SCIN: variants seen among roughly 807,000 people sequenced by gnomAD.
SCIN encodes adseverin.
In SCIN, 91 loss-of-function variants were observed where a neutral mutation model predicts 91.8. The ratio of observed to expected loss-of-function variants is 0.99; its 90% confidence interval spans 0.84 to 1.18. The LOEUF (loss-of-function observed/expected upper bound fraction) is 1.18. SCIN is among the 50% of genes most tolerant of loss of function. The pLI is 0.00. For missense variants in SCIN, 1,087 were observed against 863.9 expected (o/e 1.26, Z -3.24); for synonymous variants, 367 against 312.6 (o/e 1.17, Z -1.84).
intron 4 of SCIN, among the ~76,000 whole-genome samples, chr7:12,612,718 G>A (rs746418031): frequency 6.6e-6 from 1 of 152,246 alleles, no homozygotes; most frequent in Non-Finnish European, 1.5e-5. Flanking sequence ...TGGATTTCTA[G>A]TATTGAATTT....
rs1318211744 is a variant in SCIN, at chr7:12,656,237, C to G, written c.*3522C>G. On this transcript the variant is annotated 3_prime_UTR_variant, in exon 16 of 16. Transcript: ENST00000297029. The stretch of plus-strand genomic sequence containing the variant: ...TCCACTTAACTCATTATTCAGTCAT[C>G]AAGCAATTCTTGTCCCAATCATTCT... 1.3e-5 allele frequency: 2 copies of G among 152,168 alleles called. No individual in the cohort carries two copies. Among genetic ancestry groups the G allele is most frequent in the African/African-American group, 4.8e-5 (2 of 41,434 alleles). 9.4% of individuals were successfully genotyped at this position (152,168 alleles called of 1,614,324 possible).
intron 14 of SCIN, among the ~76,000 whole-genome samples, chr7:12,650,599 T>G (rs1784060275): frequency 6.6e-6 from 1 of 152,190 alleles, no homozygotes; most frequent in Admixed American, 6.5e-5. Flanking sequence ...AATCTAAATG[T>G]AAGTGACCGA....
At chr7:12,644,814 G>A (rs1562634823) in intron 13 of SCIN, 109 bp downstream of exon 13, 18 of 1,032,598 alleles carry the variant, frequency 1.7e-5, no homozygotes, top group East Asian at 8.9e-5. Context: ...TCAGGAGTTC[G>A]AGACCAGCCT....
chr7:12,628,403 G>A (rs949319064), intron 8 of SCIN, among the ~76,000 whole-genome samples: 5 of 152,106 alleles, frequency 3.3e-5, no homozygotes, highest in African/African-American at 9.7e-5. Flanking sequence ...GTTTTGATGG[G>A]CTCAGTGTTT....
In SCIN at chr7:12,657,650, A is replaced by G. The variant is rs1421625671; in HGVS notation, c.*4935A>G. The G allele has an allele frequency of 2.9e-5, 4 of 138,634 alleles. No individual in the cohort carries two copies. Among genetic ancestry groups the G allele is most frequent in the Non-Finnish European group, 4.6e-5 (3 of 65,664 alleles). 8.6% of individuals were successfully genotyped at this position (138,634 alleles called of 1,614,324 possible). Reference sequence around the variant, plus strand: ...TTTAGCAATTTCCTTGTATAATGCAATCAGTGGAAGACAAATCAGAGGTAT... The same window carrying G: ...TTTAGCAATTTCCTTGTATAATGCAGTCAGTGGAAGACAAATCAGAGGTAT... On this transcript the variant is annotated 3_prime_UTR_variant, in exon 16 of 16. Coordinates refer to ENST00000297029, the MANE Select transcript of SCIN (RefSeq NM_001112706.3).
chr7:12,641,749 C>T (rs546109373), intron 11 of SCIN, among the ~76,000 whole-genome samples: 5 of 152,134 alleles, frequency 3.3e-5, no homozygotes, highest in African/African-American at 1.2e-4. Context: ...TGGCAATTCT[C>T]CAGGCCTATA....
chr7:12,594,860 CT>C (rs376104622), intron 3 of SCIN, among the ~76,000 whole-genome samples: 25 of 152,230 alleles, frequency 1.6e-4, no homozygotes, highest in African/African-American at 6.0e-4. Flanking sequence ...AGCGCTGGGT[CT>C]TTTGGGAGTG....
chr7:12,626,612 C>A lies in SCIN; in HGVS notation c.1010C>A (p.Thr337Lys). 2.6e-6 allele frequency: 4 copies of A among 1,550,966 alleles called. No homozygotes were observed. Among genetic ancestry groups the A allele is most frequent in the Non-Finnish European group, 3.5e-6 (4 of 1,146,558 alleles). ...QIQVLPEGGE[T>K]PIFKQFFKDW... ...CAAGTTCTTCCAGAAGGAGGTGAAA[C>A]ACCAATCTTCAAACAGTTTTTTAAG... is the stretch of plus-strand genomic sequence containing the variant. The change falls in exon 8 of 16, where the codon ACA becomes AAA. Residue 337 changes from threonine to lysine, a missense_variant. Physicochemically the swap from Thr to Lys is moderately conservative, Grantham distance 78. Transcript: ENST00000297029.
rs946816476 is a variant in SCIN, at chr7:12,651,289, ACT to A, written c.1960-548_1960-547del. On this transcript the variant is annotated intron_variant, in intron 14 of 15. Transcript: ENST00000297029. The surrounding 1 kb of genome is among the most constrained non-coding windows in gnomAD (Gnocchi z 5.9). ...TCTTTCAGACCTTTAAGAGTGTGAT[ACT>A]CTCAGTTAATCTTCCCTAGATCCCG... Among the ~76,000 whole-genome samples the A allele has an allele frequency of 3.3e-5, 5 of 152,010 alleles. No individual in the cohort carries two copies. Among genetic ancestry groups the A allele is most frequent in the African/African-American group, 1.2e-4 (5 of 41,338 alleles).
intron 3 of SCIN, among the ~76,000 whole-genome samples, chr7:12,598,243 A>T (rs1024447409): frequency 6.6e-6 from 1 of 152,170 alleles, no homozygotes; most frequent in African/African-American, 2.4e-5. Flanking sequence ...TTATGAAGGA[A>T]TTTATTTTTT....
Position 12,644,667 on chromosome 7 carries a change from C to T in SCIN, c.1843C>T (p.Arg615Trp), listed in dbSNP as rs1209944562. ...LETQAEDHPP[R>W]LYGCSNKTGR... is the part of the protein sequence containing the mutation. Reference sequence around the variant, plus strand: ...AACCCAGGCTGAAGACCATCCACCTCGGCTTTACGGCTGCTCTAACAAAAC... The same window carrying T: ...AACCCAGGCTGAAGACCATCCACCTTGGCTTTACGGCTGCTCTAACAAAAC... Residue 615 changes from arginine (R) to tryptophan (W), a missense_variant, in exon 13 of 16, where the codon CGG becomes TGG. Arg to Trp is a moderately radical substitution (Grantham distance 101). Coordinates refer to ENST00000297029, the MANE Select transcript of SCIN (RefSeq NM_001112706.3). 5.7e-6 allele frequency: 9 copies of T among 1,586,532 alleles called. No homozygotes were observed. The highest frequency in any genetic ancestry group is 1.7e-4 in the Middle Eastern group (1 of 6,052).
intron 10 of SCIN, among the ~76,000 whole-genome samples, chr7:12,637,513 A>C (rs1369393245): frequency 6.6e-6 from 1 of 151,832 alleles, no homozygotes; most frequent in Non-Finnish European, 1.5e-5. Context: ...AAGGGATAGG[A>C]GGAGAGGAGA....
In SCIN at chr7:12,644,685, AACAAAAC is replaced by A. The variant is rs1562634642; in HGVS notation, c.1862_1868del (p.Asn621MetfsTer18). ...TCCACCTCGGCTTTACGGCTGCTCT[AACAAAAC>A]TGGAAGATTTGTTGTAAGTGTCCTT... On this transcript the variant is annotated frameshift_variant, in exon 13 of 16. Transcript: ENST00000297029. LOFTEE classifies it high-confidence loss of function. 8 of 1,571,958 alleles carry A rather than the reference AACAAAAC, an allele frequency of 5.1e-6. No homozygotes were observed. The highest frequency in any genetic ancestry group is 3.8e-5 in the Admixed American group (2 of 53,170).
chr7:12,619,564 A>C lies in SCIN; in HGVS notation c.667-3237A>C, dbSNP rs530109690. Among the ~76,000 whole-genome samples, 19 of 152,220 alleles carry C rather than the reference A, an allele frequency of 1.2e-4. No homozygotes were observed. In the South Asian group the frequency reaches 3.9e-3, roughly 32 times the overall value. Reference sequence around the variant, plus strand: ...ATCATAGTAGGGAAAGAAATAAACAAACACCAAGGGTGGTCTTGAGACAGG... The same window carrying C: ...ATCATAGTAGGGAAAGAAATAAACACACACCAAGGGTGGTCTTGAGACAGG... On this transcript the variant is annotated intron_variant, in intron 4 of 15. Transcript: ENST00000297029.
rs1288451926 is a variant in SCIN, at chr7:12,577,998, A to G, written c.200-66A>G. The G allele has an allele frequency of 1.5e-5, 21 of 1,376,378 alleles. No homozygotes were observed. The East Asian group carries it at 5.6e-4, about 37-fold the overall frequency. 85.3% of individuals were successfully genotyped at this position (1,376,378 alleles called of 1,614,324 possible). On this transcript the variant is annotated intron_variant, in intron 1 of 15. Transcript: ENST00000297029. ...AATGAAAATTTCTGACTTCTTTCATATCAGAAATTCTGCCTTAATCCTTTC... is the reference window on the plus strand; with the variant it reads ...AATGAAAATTTCTGACTTCTTTCATGTCAGAAATTCTGCCTTAATCCTTTC...
At position 12,652,660 on chromosome 7, in the gene SCIN, A is replaced by G; in HGVS notation, c.2093A>G (p.His698Arg). ...RTPIVIIKQG[H>R]EPPTFTGWFL... Reference sequence around the variant, plus strand: ...CCAATTGTCATCATAAAACAGGGCCATGAGCCACCCACATTCACAGGCTGG... The same window carrying G: ...CCAATTGTCATCATAAAACAGGGCCGTGAGCCACCCACATTCACAGGCTGG... Residue 698 changes from histidine to arginine, a missense_variant, in exon 16 of 16, where the codon CAT becomes CGT. Physicochemically the swap from His to Arg is conservative, Grantham distance 29. Coordinates refer to ENST00000297029, the MANE Select transcript of SCIN (RefSeq NM_001112706.3). The G allele has an allele frequency of 6.2e-7, 1 of 1,610,850 alleles. No homozygotes were observed. The highest frequency in any genetic ancestry group is 8.5e-7 in the Non-Finnish European group (1 of 1,178,958).
At chr7:12,650,972 A>C (rs1784067658) in intron 14 of SCIN, among the ~76,000 whole-genome samples, 1 of 152,206 alleles carries the variant, frequency 6.6e-6, no homozygotes, top group African/African-American at 2.4e-5. Flanking sequence ...GTAAGGGCCA[A>C]GGGAAAATTT....
intron 3 of SCIN, among the ~76,000 whole-genome samples, chr7:12,581,948 T>C (rs1366762347): frequency 6.6e-6 from 1 of 152,224 alleles, no homozygotes; most frequent in Non-Finnish European, 1.5e-5. Context: ...TGAAAAGCCA[T>C]GTGCAAAAGC....
At chr7:12,626,470 A>T in intron 7 of SCIN, 114 bp from the exon 8 acceptor site, 1 of 822,834 alleles carries the variant, frequency 1.2e-6, no homozygotes, top group Non-Finnish European at 1.9e-6. Flanking sequence ...TATGAGCTTG[A>T]TAGCTAAACC....
Sources: gnomAD v4.1 joint callset for allele counts (sites outside exome capture counted in the v4.1 genomes callset) on GRCh38, gnomAD v4.1.1 for gene constraint, Gnocchi (gnomAD v3.1) non-coding constraint, MANE v1.5 for transcripts, NCBI Gene and HGNC (gene_info 2026-07-23, HGNC 2026-07-21) for gene names.